CCSER1: variants seen among roughly 807,000 people sequenced by gnomAD.
The protein encoded by CCSER1 is serine-rich coiled-coil domain-containing protein 1.
CCSER1 carries 41 observed loss-of-function variants against 82.0 expected under a neutral mutation model. The ratio of observed to expected loss-of-function variants is 0.50; its 90% CI spans 0.39 to 0.65. The LOEUF is 0.65. Among genes scored for constraint, CCSER1 ranks in the 30% least tolerant of loss-of-function variants. CCSER1 has a pLI of 0.00. For missense variants in CCSER1, 1,119 were observed against 1,064.2 expected (o/e 1.05, Z -0.72); for synonymous variants, 414 against 383.9 (o/e 1.08, Z -0.92).
intron 1 of CCSER1, among the ~76,000 whole-genome samples, chr4:90,207,587 G>T (rs1739124227): frequency 1.3e-5 from 2 of 152,128 alleles, no homozygotes; most frequent in South Asian, 4.1e-4. Flanking sequence ...CTGGTTTTTG[G>T]AATTTTCAGC....
intron 9 of CCSER1, among the ~76,000 whole-genome samples, chr4:90,973,483 A>G (rs939034172): frequency 6.6e-6 from 1 of 151,710 alleles, no homozygotes; most frequent in African/African-American, 2.4e-5. Context: ...ACATGTTAAG[A>G]TAACTGCTGT....
chr4:91,127,538 T>C (rs1727624997), intron 10 of CCSER1, among the ~76,000 whole-genome samples: 1 of 152,110 alleles, frequency 6.6e-6, no homozygotes, highest in African/African-American at 2.4e-5. Flanking sequence ...TTAAAAACTC[T>C]ATGAATTGGA....
At chr4:90,409,002 A>G (rs1340246668) in intron 4 of CCSER1, among the ~76,000 whole-genome samples, 1 of 152,232 alleles carries the variant, frequency 6.6e-6, no homozygotes, top group Non-Finnish European at 1.5e-5. Flanking sequence ...TCAGTAACTG[A>G]TGCGATCAAC....
At chr4:91,152,656 C>T (rs1471180080) in intron 10 of CCSER1, among the ~76,000 whole-genome samples, 1 of 152,122 alleles carries the variant, frequency 6.6e-6, no homozygotes, top group African/African-American at 2.4e-5. Flanking sequence ...GTGGCTGGTA[C>T]CAGTTGTTCC....
chr4:90,324,199 TG>T (rs1294379270), intron 3 of CCSER1, among the ~76,000 whole-genome samples: 1 of 152,218 alleles, frequency 6.6e-6, no homozygotes, highest in Non-Finnish European at 1.5e-5. Context: ...ATTGGATGGC[TG>T]GGTCAAATGG....
chr4:90,652,345 ATGT>A (rs542896035), intron 6 of CCSER1, among the ~76,000 whole-genome samples: 4 of 152,176 alleles, frequency 2.6e-5, no homozygotes, highest in Admixed American at 2.6e-4. Flanking sequence ...TTTTATAATA[ATGT>A]TGTATATGAT....
At chr4:91,089,496 A>C (rs571602908) in intron 10 of CCSER1, among the ~76,000 whole-genome samples, 1 of 152,208 alleles carries the variant, frequency 6.6e-6, no homozygotes, top group African/African-American at 2.4e-5. Context: ...TTCATTTCCC[A>C]CCTTTGAGAC....
rs183000430 is a variant in CCSER1, at chr4:90,935,048, A to G, written c.2172+11601A>G. On this transcript the variant is annotated intron_variant, in intron 9 of 10. Transcript: ENST00000509176. The stretch of plus-strand genomic sequence containing the variant: ...TATATATGTATATATGTGTGTGTGT[A>G]TATATATTATATATATATGATGAAT... 5.9e-5 allele frequency among the ~76,000 whole-genome samples: 9 copies of G among 152,142 alleles called. No homozygotes were observed. The East Asian group carries it at 9.7e-4, about 16-fold the overall frequency.
intron 10 of CCSER1, among the ~76,000 whole-genome samples, chr4:91,493,290 CTCATT>C (rs1214234244): frequency 6.6e-6 from 1 of 151,654 alleles, no homozygotes; most frequent in Non-Finnish European, 1.5e-5. Context: ...TATAACTCAT[CTCATT>C]TATCACATGA....
chr4:90,463,780 A>G (rs562181412), intron 4 of CCSER1, among the ~76,000 whole-genome samples: 7 of 152,276 alleles, frequency 4.6e-5, no homozygotes, highest in African/African-American at 1.4e-4. Flanking sequence ...TCAAAAACAC[A>G]TTACTTATAA....
chr4:90,948,917 A>G (rs1010692298), intron 9 of CCSER1, among the ~76,000 whole-genome samples: 3 of 152,074 alleles, frequency 2.0e-5, no homozygotes, highest in Admixed American at 1.3e-4. Flanking sequence ...ACAGATGAAT[A>G]GAGTCTAGCA....
intron 1 of CCSER1, among the ~76,000 whole-genome samples, chr4:90,207,321 A>T (rs1039829306): frequency 5.9e-5 from 9 of 152,108 alleles, no homozygotes; most frequent in African/African-American, 2.2e-4. Flanking sequence ...TGAAATTCTC[A>T]TGCTGTGTTT....
chr4:90,915,814 A>G (rs1474004515), intron 8 of CCSER1, among the ~76,000 whole-genome samples: 1 of 152,100 alleles, frequency 6.6e-6, no homozygotes, highest in African/African-American at 2.4e-5. Context: ...ACTTCAGCAA[A>G]GTCTCAGGAT....
intron 5 of CCSER1, among the ~76,000 whole-genome samples, chr4:90,545,456 T>C (rs1776641327): frequency 6.6e-6 from 1 of 152,136 alleles, no homozygotes; most frequent in Admixed American, 6.6e-5. Flanking sequence ...ATTTCATGTG[T>C]TTCTTAAAAT....
At chr4:90,427,323 T>C (rs1258147998) in intron 4 of CCSER1, among the ~76,000 whole-genome samples, 1 of 151,844 alleles carries the variant, frequency 6.6e-6, no homozygotes, top group African/African-American at 2.4e-5. Flanking sequence ...TTACACTCTT[T>C]ATATGAGGAA....
chr4:91,287,486 G>A (rs1743372497), intron 10 of CCSER1, among the ~76,000 whole-genome samples: 1 of 151,846 alleles, frequency 6.6e-6, no homozygotes. Context: ...TTATAAACAG[G>A]ATAGGACCAA....
Position 91,537,724 on chromosome 4 carries a change from TA to T in CCSER1, c.2218-60841del, listed in dbSNP as rs1259545718. ...TGATAACTTTTTCTAAATAATGACT[TA>T]AAAAAATGAATCATAAAGCTTTACA... On this transcript the variant is annotated intron_variant, in intron 10 of 10. Coordinates refer to ENST00000509176, the MANE Select transcript of CCSER1 (RefSeq NM_001145065.2). 4.6e-5 allele frequency among the ~76,000 whole-genome samples: 7 copies of T among 151,936 alleles called. 1 individual carries two copies. The highest frequency in any genetic ancestry group is 1.9e-4 in the East Asian group (1 of 5,186).
chr4:90,381,939 G>A (rs1454312574), intron 3 of CCSER1, among the ~76,000 whole-genome samples: 1 of 151,806 alleles, frequency 6.6e-6, no homozygotes, highest in African/African-American at 2.4e-5. Flanking sequence ...GTATCTGTGG[G>A]TTTTTAGTAC....
At chr4:90,569,977 A>G (rs927187438) in intron 5 of CCSER1, among the ~76,000 whole-genome samples, 7 of 152,188 alleles carry the variant, frequency 4.6e-5, no homozygotes, top group Non-Finnish European at 5.9e-5. Flanking sequence ...AGCCAGTGCA[A>G]TAACTGAGGG....
Sources: gnomAD v4.1 joint callset for allele counts (sites outside exome capture counted in the v4.1 genomes callset) on GRCh38, gnomAD v4.1.1 for gene constraint, MANE v1.5 for transcripts, NCBI Gene and HGNC (gene_info 2026-07-23, HGNC 2026-07-21) for gene names.